PLXNB2: variants seen among roughly 807,000 people sequenced by gnomAD.
PLXNB2 encodes plexin B2, also known as plexin-B2.
PLXNB2 carries 85 observed loss-of-function variants against 202.6 expected under a neutral mutation model. That is an observed-to-expected ratio of 0.42 (90% CI 0.35 to 0.50). The LOEUF (loss-of-function observed/expected upper bound fraction) is 0.50, where lower values mean the gene tolerates loss of function less well. PLXNB2 is among the 20% of genes least tolerant of loss of function. PLXNB2 has a pLI of 0.02. For missense variants in PLXNB2, 2,063 were observed against 2,586.2 expected, an observed-to-expected ratio of 0.80 and a Z score of 4.39; for synonymous variants, 1,239 against 1,137.6, an observed-to-expected ratio of 1.09 and a Z score of -1.79.
At chr22:50,287,388 C>G (rs1221246696) in intron 7 of PLXNB2, 124 bp from the exon 8 acceptor site, 1 of 1,122,274 alleles carries the variant, frequency 8.9e-7, no homozygotes, top group East Asian at 2.6e-5. Context: ...CCCGACTCCA[C>G]GTCTTCCAAT....
intron 8 of PLXNB2, 49 bp from the exon 9 acceptor site, chr22:50,286,336 G>T (rs771851446): frequency 7.6e-7 from 1 of 1,309,488 alleles, no homozygotes; most frequent in Non-Finnish European, 1.1e-6. Context: ...GCAGGGCCGA[G>T]GGCCAGGCTG....
chr22:50,307,639 C>G lies in PLXNB2; in HGVS notation c.-160G>C. Reference sequence around the variant, plus strand: ...CGCGCTGCTGCCATGGAGACGGGGCCTTTGTGTGGCCGAGGAGGGGCCGGA... The same window carrying G: ...CGCGCTGCTGCCATGGAGACGGGGCGTTTGTGTGGCCGAGGAGGGGCCGGA... On this transcript the variant is annotated 5_prime_UTR_variant, in exon 1 of 37. Transcript: ENST00000359337. The G allele has an allele frequency of 1.0e-6, 1 of 980,392 alleles. No individual in the cohort carries two copies. The highest frequency in any genetic ancestry group is 1.2e-6 in the Non-Finnish European group (1 of 827,960). 60.7% of individuals were successfully genotyped at this position (980,392 alleles called of 1,614,324 possible).
rs772289683 is a variant in PLXNB2 at position 50,281,652 on chromosome 22, C to G, written c.3436G>C (p.Asp1146His). 1 of 1,594,124 alleles carries G rather than the reference C, an allele frequency of 6.3e-7. No individual in the cohort carries two copies. Among genetic ancestry groups the G allele is most frequent in the Non-Finnish European group, 8.6e-7 (1 of 1,168,770 alleles). ...RCTMKTLTET[D>H]LYCEPPEVQP... ...ACCTCCGGGGGCTCACAGTACAGGTCGGTCTCCGTCAGCGTCTTCATGGTG... is the reference window on the plus strand; with the variant it reads ...ACCTCCGGGGGCTCACAGTACAGGTGGGTCTCCGTCAGCGTCTTCATGGTG... The change falls in exon 21 of 37, where the codon GAC becomes CAC. Residue 1146 changes from aspartate (D) to histidine (H), a missense_variant. By Grantham distance (81) the Asp-to-His change is moderately conservative. Around this residue, in one of 2 missense-constraint regions of PLXNB2, gnomAD observed 760 missense variants for 1,109.4 expected, o/e 0.69. Transcript: ENST00000359337.
At chr22:50,278,298 C>T in intron 30 of PLXNB2, 27 bp from the exon 31 acceptor site, 1 of 1,609,254 alleles carries the variant, frequency 6.2e-7, no homozygotes, top group Non-Finnish European at 8.5e-7. Flanking sequence ...CTGAGGGACC[C>T]CTACCCAGGT....
In PLXNB2 at chr22:50,283,061, G is replaced by A. The variant is rs749575208; in HGVS notation, c.2805C>T (p.Val935=). 6.2e-7 allele frequency: 1 copy of A among 1,610,606 alleles called. No individual in the cohort carries two copies. The highest frequency in any genetic ancestry group is 8.5e-7 in the Non-Finnish European group (1 of 1,178,904). The change falls in exon 17 of 37, where the codon GTC becomes GTT. Residue 935 remains valine, a synonymous_variant. Transcript: ENST00000359337. The part of the protein sequence containing the change: ...QEDVRVTLNG[V]PCKVTKFGAQ... ...GCGGTGACACCCACACTTTACACGGGACGCCGTTGAGGGTCACCCGCACGT... is the reference window on the plus strand; with the variant it reads ...GCGGTGACACCCACACTTTACACGGAACGCCGTTGAGGGTCACCCGCACGT...
chr22:50,282,012 C>T lies in PLXNB2; in HGVS notation c.3187G>A (p.Glu1063Lys). The change falls in exon 20 of 37, where the codon GAG (glutamate) becomes AAG (lysine). Residue 1063 changes from glutamate (E) to lysine (K), a missense_variant. By Grantham distance (56) the Glu-to-Lys change is moderately conservative (BLOSUM62 1). Around this residue, in one of 2 missense-constraint regions of PLXNB2, gnomAD observed 760 missense variants for 1,109.4 expected, o/e 0.69. Coordinates refer to ENST00000359337, the MANE Select transcript of PLXNB2 (RefSeq NM_012401.4). ...ACCGTGAGGTTGTAGGCCTCTGGCT[C>T]CTCAGGCACAGCCGGGGACAGGAAG... ...VVFLSPAVPE[E>K]PEAYNLTVLI... 6.2e-7 allele frequency: 1 copy of T among 1,612,840 alleles called. No individual in the cohort carries two copies. Among genetic ancestry groups the T allele is most frequent in the African/African-American group, 1.3e-5 (1 of 75,040 alleles).
Position 50,284,816 on chromosome 22 carries a change from ACC to A in PLXNB2, c.2089-153_2089-152del, listed in dbSNP as rs2066300246. On this transcript the variant is annotated intron_variant, in intron 11 of 36. Transcript: ENST00000359337. The surrounding 1 kb of genome is among the most constrained non-coding windows in gnomAD (Gnocchi z 8.0). ...GCCCCTCAGATTACCATGCCAGCTG[ACC>A]CCTCGGCCACTCCTGAGCCCAAACA... 1 of 766,310 alleles carries A rather than the reference ACC, an allele frequency of 1.3e-6. No individual in the cohort carries two copies. Among genetic ancestry groups the A allele is most frequent in the Admixed American group, 1.8e-5 (1 of 57,128 alleles). The allele number at this position is 766,310 out of a possible 1,614,324, so 47.5% of individuals were successfully genotyped here. A position where few individuals can be genotyped will look rare whatever the true frequency, so the allele number is the denominator to read the frequency against.
chr22:50,277,600 C>G lies in PLXNB2; in HGVS notation c.5187G>C (p.Lys1729Asn). The change falls in exon 33 of 37, where the codon AAG becomes AAC. Residue 1729 changes from lysine (K) to asparagine (N), a missense_variant. Transcript: ENST00000359337. ...FMDACTRTEHKLSRDSPSNKL... is the reference protein window; with the variant it reads ...FMDACTRTEHNLSRDSPSNKL... ...CCCCCACCCCACTCACGCGGCTCAG[C>G]TTATGCTCCGTGCGCGTGCAGGCAT... is the stretch of plus-strand genomic sequence containing the variant. The G allele has an allele frequency of 6.3e-7, 1 of 1,584,866 alleles. No homozygotes were observed. Among genetic ancestry groups the G allele is most frequent in the Non-Finnish European group, 8.6e-7 (1 of 1,162,352 alleles).
intron 25 of PLXNB2, 44 bp from the exon 26 acceptor site, chr22:50,280,115 T>G (rs1200846601): frequency 6.7e-7 from 1 of 1,484,240 alleles, no homozygotes; most frequent in Non-Finnish European, 9.2e-7. Flanking sequence ...CCCGTAGTAT[T>G]CCTGAGGCCC....
At position 50,281,645 on chromosome 22, in the gene PLXNB2, T is replaced by C; in HGVS notation, c.3443A>G (p.Tyr1148Cys). 6.3e-7 allele frequency: 1 copy of C among 1,599,996 alleles called. No homozygotes were observed. The highest frequency in any genetic ancestry group is 8.5e-7 in the Non-Finnish European group (1 of 1,172,332). The change falls in exon 21 of 37, where the codon TAC becomes TGC. Residue 1148 changes from tyrosine to cysteine, a missense_variant. Transcript: ENST00000359337. ...GGGCTGCACCTCCGGGGGCTCACAGTACAGGTCGGTCTCCGTCAGCGTCTT... is the reference window on the plus strand; with the variant it reads ...GGGCTGCACCTCCGGGGGCTCACAGCACAGGTCGGTCTCCGTCAGCGTCTT... The part of the protein sequence containing the change: ...TMKTLTETDL[Y>C]CEPPEVQPPP...
intron 1 of PLXNB2, among the ~76,000 whole-genome samples, chr22:50,298,160 A>T (rs1264445665): frequency 6.6e-6 from 1 of 152,242 alleles, no homozygotes; most frequent in Admixed American, 6.5e-5. Context: ...GGGTGGTGAC[A>T]TGCAGGGGCG....
chr22:50,305,501 C>A (rs1312102881), intron 1 of PLXNB2, among the ~76,000 whole-genome samples: 2 of 152,230 alleles, frequency 1.3e-5, no homozygotes, highest in African/African-American at 4.8e-5. Flanking sequence ...CCTCAGTCTC[C>A]CCACCTGCAG....
chr22:50,305,534 C>G (rs2067854222), intron 1 of PLXNB2, among the ~76,000 whole-genome samples: 1 of 152,232 alleles, frequency 6.6e-6, no homozygotes, highest in Non-Finnish European at 1.5e-5. Context: ...GGCGCCATAT[C>G]CAGAGGGGGT....
At chr22:50,303,128 C>A (rs775365475) in intron 1 of PLXNB2, among the ~76,000 whole-genome samples, 2 of 152,046 alleles carry the variant, frequency 1.3e-5, no homozygotes, top group East Asian at 1.9e-4. Context: ...AGAGACCCCC[C>A]CACACTCCTG....
At chr22:50,292,028 C>T (rs1035376424) in intron 2 of PLXNB2, among the ~76,000 whole-genome samples, 1 of 152,184 alleles carries the variant, frequency 6.6e-6, no homozygotes, top group Non-Finnish European at 1.5e-5. Context: ...AAACGCAATC[C>T]GCTTTCTCAC....
In PLXNB2 at chr22:50,290,225, G is replaced by A. The variant is rs1469737219; in HGVS notation, c.360C>T (p.Cys120=). 1.2e-5 allele frequency: 20 copies of A among 1,612,014 alleles called. No homozygotes were observed. The highest frequency in any genetic ancestry group is 1.6e-4 in the Middle Eastern group (1 of 6,084). Residue 120 remains cysteine (C), a synonymous_variant, in exon 3 of 37, where the codon TGC becomes TGT. Transcript: ENST00000359337. ...VECGSLFKGI[C]ALRALSNISL... ...AGATGTTGCTCAGGGCGCGCAGAGCGCAGATGCCCTTGAAGAGGCTGCCGC... is the reference window on the plus strand; with the variant it reads ...AGATGTTGCTCAGGGCGCGCAGAGCACAGATGCCCTTGAAGAGGCTGCCGC...
chr22:50,297,738 G>C lies in PLXNB2; in HGVS notation c.-73-2960C>G, dbSNP rs1034001365. On this transcript the variant is annotated intron_variant, in intron 1 of 36. Coordinates refer to ENST00000359337, the MANE Select transcript of PLXNB2 (RefSeq NM_012401.4). The surrounding 1 kb of genome is among the most constrained non-coding windows in gnomAD (Gnocchi z 5.3). ...AGGCCTGAAGTCCAGAGCCAGACCA[G>C]TGAGTTCACACCCCAGCTCTGTCAC... Among the ~76,000 whole-genome samples, 1 of 152,224 alleles carries C rather than the reference G, an allele frequency of 6.6e-6. No individual in the cohort carries two copies. The highest frequency in any genetic ancestry group is 1.5e-5 in the Non-Finnish European group (1 of 68,044).
chr22:50,278,802 A>C (rs2065789064), intron 28 of PLXNB2, 53 bp downstream of exon 28: 2 of 1,599,608 alleles, frequency 1.3e-6, no homozygotes, highest in African/African-American at 2.7e-5. Context: ...GCCCCAGGAC[A>C]CAGGCCAGGC....
chr22:50,287,773 C>T lies in PLXNB2; in HGVS notation c.1502G>A (p.Cys501Tyr), dbSNP rs1258262069. 6.3e-7 allele frequency: 1 copy of T among 1,584,788 alleles called. No homozygotes were observed. Among genetic ancestry groups the T allele is most frequent in the Admixed American group, 1.8e-5 (1 of 57,084 alleles). ...VEGRCTRKAECPRAEEASHWL... is the reference protein window; with the variant it reads ...VEGRCTRKAEYPRAEEASHWL... ...GTGGCTGGCCTCCTCGGCCCGCGGACACTCGGCCTTCCGGGTGCATCTGCA... is the reference window on the plus strand; with the variant it reads ...GTGGCTGGCCTCCTCGGCCCGCGGATACTCGGCCTTCCGGGTGCATCTGCA... Residue 501 changes from cysteine to tyrosine, a missense_variant, in exon 7 of 37, where the codon TGT becomes TAT. Coordinates refer to ENST00000359337, the MANE Select transcript of PLXNB2 (RefSeq NM_012401.4).
Sources: allele counts gnomAD v4.1 joint callset (sites outside exome capture counted in the v4.1 genomes callset), GRCh38; gene constraint gnomAD v4.1.1; regional missense constraint gnomAD v4.1.1; non-coding constraint Gnocchi (gnomAD v3.1); transcripts MANE v1.5; gene names NCBI Gene and HGNC (gene_info 2026-07-23, HGNC 2026-07-21).